Variants in CTNNA2 observed in about 807,000 individuals in gnomAD.
The protein encoded by CTNNA2 is catenin alpha-2.
Under a neutral mutation model 101.0 loss-of-function variants are expected in CTNNA2, and 42 were observed. The observed-to-expected ratio is 0.42, with a 90% confidence interval of 0.32 to 0.54. The LOEUF (loss-of-function observed/expected upper bound fraction) is 0.54, where lower values mean the gene tolerates loss of function less well. Ranked by LOEUF, CTNNA2 falls within the 20% of genes least tolerant of loss-of-function variation. The pLI is 0.14. For synonymous variants in CTNNA2, 450 were observed against 456.4 expected, an observed-to-expected ratio of 0.99 and a Z score of 0.18; for missense variants, 871 against 1,223.1, an observed-to-expected ratio of 0.71 and a Z score of 4.29.
At chr2:79,751,791 T>A (rs937812627) in intron 3 of CTNNA2, among the ~76,000 whole-genome samples, 6 of 152,020 alleles carry the variant, frequency 3.9e-5, no homozygotes, top group Admixed American at 2.0e-4. Context: ...CATGAAAACC[T>A]GACTAAATTA....
At chr2:79,552,249 A>G (rs1573324246) in intron 1 of CTNNA2, among the ~76,000 whole-genome samples, 1 of 152,174 alleles carries the variant, frequency 6.6e-6, no homozygotes, top group African/African-American at 2.4e-5. Flanking sequence ...CAAGTCTGAA[A>G]TCCAGCAGGA....
intron 3 of CTNNA2, among the ~76,000 whole-genome samples, chr2:79,776,367 A>G (rs985732577): frequency 6.6e-6 from 1 of 152,124 alleles, no homozygotes; most frequent in Non-Finnish European, 1.5e-5. Context: ...AGCAATATCC[A>G]TGGTAACAGA....
chr2:79,523,509 T>C (rs1672232752), intron 1 of CTNNA2, among the ~76,000 whole-genome samples: 1 of 152,210 alleles, frequency 6.6e-6, no homozygotes, highest in Non-Finnish European at 1.5e-5. Flanking sequence ...TATTTCCATG[T>C]ACATTCAGTT....
chr2:80,577,123 A>G (rs1695122756), intron 13 of CTNNA2, among the ~76,000 whole-genome samples: 1 of 152,154 alleles, frequency 6.6e-6, no homozygotes, highest in South Asian at 2.1e-4. Context: ...TATTTGCTGA[A>G]AGCTTATTAG....
chr2:80,327,564 T>C (rs754123164), intron 7 of CTNNA2, among the ~76,000 whole-genome samples: 1 of 152,102 alleles, frequency 6.6e-6, no homozygotes, highest in Admixed American at 6.5e-5. Flanking sequence ...TTAGTGAGTA[T>C]GAGTTTCTTG....
chr2:79,791,074 T>C (rs1304649337), intron 3 of CTNNA2, among the ~76,000 whole-genome samples: 1 of 152,196 alleles, frequency 6.6e-6, no homozygotes, highest in Non-Finnish European at 1.5e-5. Context: ...GCTTACAAAG[T>C]ATGAATAGAT....
At chr2:79,914,730 T>C (rs1686067108) in intron 7 of CTNNA2, among the ~76,000 whole-genome samples, 1 of 152,216 alleles carries the variant, frequency 6.6e-6, no homozygotes, top group Admixed American at 6.5e-5. Context: ...TTTTTAATTG[T>C]ATTTTTAAAA....
chr2:79,920,398 C>G (rs563469385), intron 7 of CTNNA2, among the ~76,000 whole-genome samples: 2 of 152,292 alleles, frequency 1.3e-5, no homozygotes, highest in Non-Finnish European at 1.5e-5. Flanking sequence ...TCATCTGCTC[C>G]TCTGTTGGAA....
intron 7 of CTNNA2, among the ~76,000 whole-genome samples, chr2:79,936,083 A>G (rs1377885886): frequency 6.6e-6 from 1 of 152,264 alleles, no homozygotes; most frequent in African/African-American, 2.4e-5. Context: ...CTAATAAGAC[A>G]TCAGAGTCAA....
At chr2:80,580,200 A>T (rs773711229) in intron 13 of CTNNA2, among the ~76,000 whole-genome samples, 1 of 152,202 alleles carries the variant, frequency 6.6e-6, no homozygotes, top group Non-Finnish European at 1.5e-5. Flanking sequence ...AGTGCCTGTA[A>T]AGCACTTAGA....
At chr2:79,858,591 GT>G (rs1681331320) in intron 4 of CTNNA2, among the ~76,000 whole-genome samples, 1 of 152,126 alleles carries the variant, frequency 6.6e-6, no homozygotes, top group Non-Finnish European at 1.5e-5. Flanking sequence ...CCACCTTAGT[GT>G]GGATTACATG....
At chr2:79,551,990 C>G (rs548776324) in intron 1 of CTNNA2, among the ~76,000 whole-genome samples, 1 of 152,234 alleles carries the variant, frequency 6.6e-6, no homozygotes, top group East Asian at 1.9e-4. Flanking sequence ...TCTGGCCCCT[C>G]CCAAATCTTA....
At chr2:79,998,146 GA>G (rs1692685803) in intron 7 of CTNNA2, among the ~76,000 whole-genome samples, 1 of 152,154 alleles carries the variant, frequency 6.6e-6, no homozygotes, top group African/African-American at 2.4e-5. Context: ...CAAAGGAAAT[GA>G]ACCATTTTTA....
At chr2:79,888,239 G>C (rs764104230) in intron 6 of CTNNA2, among the ~76,000 whole-genome samples, 2 of 152,168 alleles carry the variant, frequency 1.3e-5, no homozygotes, top group Non-Finnish European at 2.9e-5. Flanking sequence ...AGTCAAGGCT[G>C]GTTCTGCTGG....
intron 1 of CTNNA2, among the ~76,000 whole-genome samples, chr2:79,526,432 T>C (rs919599503): frequency 6.7e-6 from 1 of 150,196 alleles, no homozygotes; most frequent in African/African-American, 2.5e-5. Context: ...TTCAATGCTA[T>C]TGCTGTGAAA....
At chr2:80,565,178 T>C (rs919502320) in intron 12 of CTNNA2, among the ~76,000 whole-genome samples, 1 of 152,132 alleles carries the variant, frequency 6.6e-6, no homozygotes, top group African/African-American at 2.4e-5. Context: ...TGTTTTTATT[T>C]TCTGGAAGTT....
intron 8 of CTNNA2, among the ~76,000 whole-genome samples, chr2:80,413,758 TG>T (rs1352979766): frequency 6.6e-6 from 1 of 152,218 alleles, no homozygotes; most frequent in Non-Finnish European, 1.5e-5. Context: ...TAAGGAAATA[TG>T]GCAGAACATG....
upstream of CTNNA2, among the ~76,000 whole-genome samples, chr2:79,511,886 G>A (rs1379816462): frequency 2.0e-5 from 3 of 152,106 alleles, no homozygotes; most frequent in Non-Finnish European, 4.4e-5. Flanking sequence ...ATGAACACAC[G>A]CACTGATGCT....
At chr2:79,881,150 C>A (rs536079335) in intron 6 of CTNNA2, among the ~76,000 whole-genome samples, 86 of 152,244 alleles carry the variant, frequency 5.6e-4, no homozygotes, top group African/African-American at 2.0e-3. Flanking sequence ...ATCCTAAGTT[C>A]TCATTTGATT....
Sources: gnomAD v4.1 joint callset for allele counts (sites outside exome capture counted in the v4.1 genomes callset) on GRCh38, gnomAD v4.1.1 for gene constraint, MANE v1.5 for transcripts, NCBI Gene and HGNC (gene_info 2026-07-23, HGNC 2026-07-21) for gene names.